Variants in PDGFD observed in about 807,000 individuals in gnomAD.
PDGFD encodes the protein platelet-derived growth factor D.
A neutral mutation model predicts 44.7 loss-of-function variants in PDGFD; 30 were observed. The ratio of observed to expected loss-of-function variants is 0.67; its 90% CI spans 0.50 to 0.91. PDGFD has a LOEUF of 0.91. Among genes scored for constraint, PDGFD ranks in the 40% least tolerant of loss-of-function variants. The pLI, the probability that PDGFD is intolerant of heterozygous loss-of-function variation, is 0.00. For missense variants in PDGFD, 445 were observed against 457.8 expected (o/e 0.97, Z 0.25); for synonymous variants, 173 against 168.4 (o/e 1.03, Z -0.21).
At chr11:104,045,341 A>C (rs1860423860) in intron 1 of PDGFD, among the ~76,000 whole-genome samples, 1 of 152,202 alleles carries the variant, frequency 6.6e-6, no homozygotes, top group Non-Finnish European at 1.5e-5. Flanking sequence ...AAAAATGATA[A>C]GAAACTCACA....
At chr11:103,950,586 A>ATAAATAAATAAATAAATAAG (rs1858740029) in intron 3 of PDGFD, among the ~76,000 whole-genome samples, 3 of 151,850 alleles carry the variant, frequency 2.0e-5, no homozygotes, top group African/African-American at 4.8e-5. Flanking sequence ...AAATAAATAA[A>ATAAATAAATAAATAAATAAG]TAAATAAATA....
chr11:104,037,069 C>A (rs1167326410), intron 1 of PDGFD: 1 of 1,614,232 alleles, frequency 6.2e-7, no homozygotes, highest in South Asian at 1.1e-5. Flanking sequence ...TGTGGGACCT[C>A]GGGCTCCAGG....
intron 1 of PDGFD, among the ~76,000 whole-genome samples, chr11:104,019,547 A>ATACG (rs1459532828): frequency 1.3e-5 from 2 of 152,338 alleles, no homozygotes; most frequent in African/African-American, 4.8e-5. Context: ...GGCAGACACG[A>ATACG]TACGGCCAGG....
intron 1 of PDGFD, among the ~76,000 whole-genome samples, chr11:104,091,847 T>C (rs918074341): frequency 3.3e-5 from 5 of 152,186 alleles, no homozygotes; most frequent in African/African-American, 1.2e-4. Context: ...ACCATGAGGA[T>C]TGAGTAAGCT....
intron 1 of PDGFD, among the ~76,000 whole-genome samples, chr11:104,123,929 T>G (rs1861810222): frequency 6.6e-6 from 1 of 152,048 alleles, no homozygotes; most frequent in Non-Finnish European, 1.5e-5. Flanking sequence ...TGTAGTTAAT[T>G]CACAAAGGTA....
rs1412187702 is a variant in PDGFD, at chr11:104,035,740, C to G, written c.125-35485G>C. Among the ~76,000 whole-genome samples the G allele has an allele frequency of 3.3e-5, 5 of 151,980 alleles. No individual in the cohort carries two copies. In the East Asian group the frequency reaches 9.7e-4, roughly 29 times the overall value. On this transcript the variant is annotated intron_variant, in intron 1 of 6. Transcript: ENST00000393158. ...TTATTGCACAAAATGTCTCATCTTT[C>G]TCTAGAAATAACAGCCCTTGCCATA... is the stretch of plus-strand genomic sequence containing the variant.
intron 3 of PDGFD, among the ~76,000 whole-genome samples, chr11:103,955,947 G>A (rs984507104): frequency 5.3e-5 from 8 of 151,916 alleles, no homozygotes; most frequent in African/African-American, 1.7e-4. Flanking sequence ...AATCATCCAC[G>A]TAATCTTGGT....
chr11:103,972,535 C>G (rs1037013420), intron 3 of PDGFD, among the ~76,000 whole-genome samples: 18 of 152,128 alleles, frequency 1.2e-4, no homozygotes, highest in Admixed American at 1.1e-3. Flanking sequence ...AGTCACTATC[C>G]TGGCTTCGTG....
chr11:104,048,622 C>T (rs1162709103), intron 1 of PDGFD, among the ~76,000 whole-genome samples: 2 of 152,090 alleles, frequency 1.3e-5, no homozygotes, highest in Non-Finnish European at 2.9e-5. Context: ...ACAGACTAAC[C>T]TTTGCTACTG....
At chr11:104,070,758 A>G (rs1860861447) in intron 1 of PDGFD, among the ~76,000 whole-genome samples, 1 of 152,158 alleles carries the variant, frequency 6.6e-6, no homozygotes, top group African/African-American at 2.4e-5. Context: ...ACAGAACTCT[A>G]TGGACATGTC....
chr11:103,936,709 C>G (rs1312403840), intron 5 of PDGFD, among the ~76,000 whole-genome samples: 1 of 152,106 alleles, frequency 6.6e-6, no homozygotes, highest in East Asian at 1.9e-4. Context: ...GTTGTAACAT[C>G]TAACCATTTA....
At chr11:104,017,033 T>C (rs1420483240) in intron 1 of PDGFD, among the ~76,000 whole-genome samples, 1 of 152,136 alleles carries the variant, frequency 6.6e-6, no homozygotes, top group Non-Finnish European at 1.5e-5. Flanking sequence ...TGAGGCCTTT[T>C]GGGAGTGATT....
At chr11:104,030,542 C>T (rs1591128631) in intron 1 of PDGFD, among the ~76,000 whole-genome samples, 3 of 152,158 alleles carry the variant, frequency 2.0e-5, no homozygotes, top group Admixed American at 6.5e-5. Flanking sequence ...ACACAGCATT[C>T]GTTATTTTTT....
chr11:104,027,467 G>A (rs578111256), intron 1 of PDGFD, among the ~76,000 whole-genome samples: 12 of 152,248 alleles, frequency 7.9e-5, no homozygotes, highest in South Asian at 4.1e-4. Context: ...CAAATTATCC[G>A]TTAAGTCCAC....
intron 1 of PDGFD, among the ~76,000 whole-genome samples, chr11:104,152,638 G>A (rs1046045656): frequency 6.6e-6 from 1 of 152,044 alleles, no homozygotes; most frequent in Non-Finnish European, 1.5e-5. Flanking sequence ...TCTAGTCAGT[G>A]TTATCTGGTT....
chr11:103,990,519 C>T (rs1266140581), intron 3 of PDGFD, among the ~76,000 whole-genome samples: 1 of 152,170 alleles, frequency 6.6e-6, no homozygotes, highest in Admixed American at 6.5e-5. Flanking sequence ...TCTATTTCCT[C>T]CCACTGCTAT....
chr11:103,941,287 G>A (rs1858580269), intron 5 of PDGFD, among the ~76,000 whole-genome samples: 1 of 152,028 alleles, frequency 6.6e-6, no homozygotes, highest in East Asian at 1.9e-4. Context: ...CATAGGAGGT[G>A]CTGGGATCCC....
At chr11:103,983,981 C>G (rs926102297) in intron 3 of PDGFD, among the ~76,000 whole-genome samples, 3 of 151,430 alleles carry the variant, frequency 2.0e-5, no homozygotes, top group African/African-American at 7.3e-5. Context: ...TCAGCCATGG[C>G]AGAAGACAGT....
At chr11:103,914,766 A>C (rs191999337) in intron 6 of PDGFD, among the ~76,000 whole-genome samples, 21 of 152,340 alleles carry the variant, frequency 1.4e-4, no homozygotes, top group East Asian at 1.3e-3. Context: ...AGTTGGCGTC[A>C]TCCCTGGGAT....
Sources: allele counts gnomAD v4.1 joint callset (sites outside exome capture counted in the v4.1 genomes callset), GRCh38; gene constraint gnomAD v4.1.1; transcripts MANE v1.5; gene names NCBI Gene and HGNC (gene_info 2026-07-23, HGNC 2026-07-21).